Variants in TMEM117 observed in about 807,000 individuals in gnomAD.
TMEM117 encodes transmembrane protein 117.
A neutral mutation model predicts 52.4 loss-of-function variants in TMEM117; 27 were observed. The observed-to-expected ratio is 0.51, with a 90% CI of 0.38 to 0.71. The LOEUF (loss-of-function observed/expected upper bound fraction) is 0.71, where lower values mean the gene tolerates loss of function less well. TMEM117 is among the 30% of genes least tolerant of loss of function. The pLI, the probability that TMEM117 is intolerant of heterozygous loss-of-function variation, is 0.00. For synonymous variants in TMEM117, 215 were observed against 206.3 expected (o/e 1.04, Z -0.36); for missense variants, 556 against 630.5 (o/e 0.88, Z 1.26).
At chr12:44,321,885 A>G (rs926950433) in intron 6 of TMEM117, among the ~76,000 whole-genome samples, 1 of 152,222 alleles carries the variant, frequency 6.6e-6, no homozygotes, top group Non-Finnish European at 1.5e-5. Flanking sequence ...ATCTTTAAAT[A>G]TGCATTTACT....
At chr12:44,080,266 C>A (rs756718467) in intron 3 of TMEM117, among the ~76,000 whole-genome samples, 1 of 152,030 alleles carries the variant, frequency 6.6e-6, no homozygotes, top group Non-Finnish European at 1.5e-5. Flanking sequence ...AGGAAACTTA[C>A]AATCATGGTG....
rs551021184 is a variant in TMEM117, at chr12:44,118,339, G to A, written c.411-25186G>A. 1.2e-3 allele frequency among the ~76,000 whole-genome samples: 182 copies of A among 152,234 alleles called. 1 individual carries two copies. The highest frequency in any genetic ancestry group is 4.2e-3 in the African/African-American group (176 of 41,554). The stretch of plus-strand genomic sequence containing the variant: ...CAAAAGAATTCTATTAGGTACCTAC[G>A]TTAACTGTGGTTTAGAAGAGGTAGA... On this transcript the variant is annotated intron_variant, in intron 3 of 7. Coordinates refer to ENST00000266534, the MANE Select transcript of TMEM117 (RefSeq NM_032256.3).
chr12:44,350,687 A>G, intron 6 of TMEM117, among the ~76,000 whole-genome samples: 1 of 151,958 alleles, frequency 6.6e-6, no homozygotes, highest in Non-Finnish European at 1.5e-5. Context: ...GTTGTTGCAG[A>G]TGGCAGGATC....
At chr12:43,891,532 C>T (rs1944105299) in intron 2 of TMEM117, among the ~76,000 whole-genome samples, 1 of 151,624 alleles carries the variant, frequency 6.6e-6, no homozygotes, top group African/African-American at 2.4e-5. Flanking sequence ...ACCACCATGC[C>T]CGGCTAATTT....
At chr12:44,118,267 T>C (rs1948178331) in intron 3 of TMEM117, among the ~76,000 whole-genome samples, 1 of 152,206 alleles carries the variant, frequency 6.6e-6, no homozygotes, top group African/African-American at 2.4e-5. Flanking sequence ...CCTTTCTCAT[T>C]GAGTAATGAT....
chr12:43,878,957 A>G (rs1164394987), intron 2 of TMEM117, among the ~76,000 whole-genome samples: 3 of 152,188 alleles, frequency 2.0e-5, no homozygotes, highest in Non-Finnish European at 2.9e-5. Flanking sequence ...GGAATACTGT[A>G]TTTATACTTG....
At chr12:43,947,245 G>A (rs1487580725) in intron 3 of TMEM117, among the ~76,000 whole-genome samples, 2 of 152,148 alleles carry the variant, frequency 1.3e-5, no homozygotes, top group Admixed American at 6.5e-5. Context: ...TGAGGCAGGA[G>A]GATTGCTTGA....
chr12:44,306,711 G>C (rs986693602), intron 6 of TMEM117, among the ~76,000 whole-genome samples: 6 of 152,148 alleles, frequency 3.9e-5, no homozygotes, highest in African/African-American at 1.4e-4. Flanking sequence ...TTGTGAAAGA[G>C]TAAAGGAATT....
chr12:44,226,838 C>T (rs1318915959), intron 5 of TMEM117, among the ~76,000 whole-genome samples: 1 of 151,956 alleles, frequency 6.6e-6, no homozygotes, highest in Non-Finnish European at 1.5e-5. Flanking sequence ...GGCTTCTAGC[C>T]CCTGGAATGG....
At chr12:43,951,916 C>G (rs957741618) in intron 3 of TMEM117, among the ~76,000 whole-genome samples, 1 of 152,154 alleles carries the variant, frequency 6.6e-6, no homozygotes, top group Non-Finnish European at 1.5e-5. Flanking sequence ...TGGTACCCCT[C>G]TGGGAAGAAC....
Position 44,009,652 on chromosome 12 carries a change from C to T in TMEM117, c.410+65310C>T, listed in dbSNP as rs565182603. 1.1e-4 allele frequency: 26 copies of T among 238,650 alleles called. 1 individual carries two copies. The highest frequency in any genetic ancestry group is 2.5e-4 in the African/African-American group (11 of 43,586). The allele number at this position is 238,650 out of a possible 1,614,324, so 14.8% of individuals were successfully genotyped here. On this transcript the variant is annotated intron_variant, in intron 3 of 7. Coordinates refer to ENST00000266534, the MANE Select transcript of TMEM117 (RefSeq NM_032256.3). ...GGAACACTCGCTTTGGTTAGGGCTC[C>T]GCTGGTTTATACTTGAAGTCTGGGG...
chr12:44,182,539 G>C (rs1949217620), intron 4 of TMEM117, among the ~76,000 whole-genome samples: 1 of 152,130 alleles, frequency 6.6e-6, no homozygotes, highest in South Asian at 2.1e-4. Flanking sequence ...ATTAGGTATT[G>C]ATGGGACGTA....
intron 3 of TMEM117, among the ~76,000 whole-genome samples, chr12:44,090,839 G>GTT (rs1264179472): frequency 0.022 from 2,326 of 104,546 alleles, 159 homozygotes; most frequent in African/African-American, 0.064. Context: ...GTATTTATGT[G>GTT]TTTTTTTTTG....
intron 3 of TMEM117, among the ~76,000 whole-genome samples, chr12:43,972,674 T>G (rs1224690117): frequency 6.6e-6 from 1 of 152,196 alleles, no homozygotes; most frequent in Non-Finnish European, 1.5e-5. Context: ...GAGTGCTGAT[T>G]GGTGCGTTTT....
chr12:44,322,523 A>G lies in TMEM117; in HGVS notation c.768+22784A>G, dbSNP rs192546620. On this transcript the variant is annotated intron_variant, in intron 6 of 7. Coordinates refer to ENST00000266534, the MANE Select transcript of TMEM117 (RefSeq NM_032256.3). Reference sequence around the variant, plus strand: ...TTTAGAAAATTACTTTCATCTCTGCATGGCCTGGAATTTGCTTGAGGACAC... The same window carrying G: ...TTTAGAAAATTACTTTCATCTCTGCGTGGCCTGGAATTTGCTTGAGGACAC... Among the ~76,000 whole-genome samples, 261 of 152,214 alleles carry G rather than the reference A, an allele frequency of 1.7e-3. 2 individuals carry two copies. Among genetic ancestry groups the G allele is most frequent in the African/African-American group, 6.0e-3 (251 of 41,536 alleles).
intron 4 of TMEM117, among the ~76,000 whole-genome samples, chr12:44,153,027 G>A (rs1427782531): frequency 6.6e-6 from 1 of 151,356 alleles, no homozygotes; most frequent in South Asian, 2.1e-4. Context: ...AAATGTTCAG[G>A]GGAGTCATTC....
chr12:44,185,607 A>G (rs1007354415), intron 4 of TMEM117, among the ~76,000 whole-genome samples: 26 of 152,114 alleles, frequency 1.7e-4, no homozygotes, highest in African/African-American at 5.3e-4. Flanking sequence ...TATTGTATAC[A>G]TATTATTTAG....
At chr12:44,323,222 T>G (rs1951155061) in intron 6 of TMEM117, among the ~76,000 whole-genome samples, 1 of 152,174 alleles carries the variant, frequency 6.6e-6, no homozygotes, top group Non-Finnish European at 1.5e-5. Context: ...TGAGACCCAT[T>G]TTGAACTTTT....
chr12:44,191,598 C>A (rs946273281), intron 4 of TMEM117, among the ~76,000 whole-genome samples: 11 of 152,036 alleles, frequency 7.2e-5, no homozygotes, highest in African/African-American at 2.7e-4. Context: ...TTTACTGATT[C>A]TAAATTTTTT....
Sources: allele counts gnomAD v4.1 joint callset (sites outside exome capture counted in the v4.1 genomes callset), GRCh38; gene constraint gnomAD v4.1.1; transcripts MANE v1.5; gene names NCBI Gene and HGNC (gene_info 2026-07-23, HGNC 2026-07-21).